The following AP2B1 variants were observed in gnomAD, a reference collection of about 807,000 sequenced individuals.
The protein encoded by AP2B1 is AP-2 complex subunit beta.
A neutral mutation model predicts 102.0 loss-of-function variants in AP2B1; 23 were observed. The ratio of observed to expected loss-of-function variants is 0.23; its 90% confidence interval spans 0.16 to 0.32. The LOEUF is 0.32. AP2B1 is among the 10% of genes least tolerant of loss of function. The pLI, the probability that AP2B1 is intolerant of heterozygous loss-of-function variation, is 1.00. For missense variants in AP2B1, 541 were observed against 1,157.4 expected (o/e 0.47, Z 7.73); for synonymous variants, 381 against 421.2 (o/e 0.90, Z 1.17).
chr17:35,684,881 A>T (rs1201693545), intron 18 of AP2B1, among the ~76,000 whole-genome samples: 1 of 152,322 alleles, frequency 6.6e-6, no homozygotes, highest in East Asian at 1.9e-4. Context: ...TTCTGCTCTT[A>T]AAATGAAAAG....
At chr17:35,624,735 G>C in intron 6 of AP2B1, 148 bp downstream of exon 6, 1 of 653,182 alleles carries the variant, frequency 1.5e-6, no homozygotes, top group Non-Finnish European at 2.5e-6. Context: ...CTGGATTTAG[G>C]AATATTTTAG....
At chr17:35,676,031 T>C (rs946350363) in intron 17 of AP2B1, among the ~76,000 whole-genome samples, 4 of 152,174 alleles carry the variant, frequency 2.6e-5, no homozygotes, top group Non-Finnish European at 4.4e-5. Context: ...TTCCTTAAAA[T>C]TTATCTCCTC....
At chr17:35,664,577 ATACTGCCAGTAGCCATATATATAT>A (rs1346430526) in intron 14 of AP2B1, among the ~76,000 whole-genome samples, 54 of 152,224 alleles carry the variant, frequency 3.5e-4, no homozygotes, top group Non-Finnish European at 6.6e-4. Context: ...CTCCCAGGAA[ATACTGCCAGTAGCCATATATATAT>A]TACTGCCAGT....
chr17:35,588,943 C>T (rs2072993979), intron 1 of AP2B1, among the ~76,000 whole-genome samples: 1 of 152,166 alleles, frequency 6.6e-6, no homozygotes, highest in Non-Finnish European at 1.5e-5. Flanking sequence ...ACTTTTTAGG[C>T]ACAGGTTTGA....
chr17:35,652,970 CT>C (rs1407643655), intron 13 of AP2B1, among the ~76,000 whole-genome samples: 1 of 152,116 alleles, frequency 6.6e-6, no homozygotes, highest in East Asian at 1.9e-4. Flanking sequence ...TTCTTAAAGC[CT>C]TTTCATCATG....
chr17:35,660,612 A>G (rs1422700275), intron 14 of AP2B1, among the ~76,000 whole-genome samples: 1 of 150,730 alleles, frequency 6.6e-6, no homozygotes, highest in East Asian at 2.0e-4. Context: ...TCTTCCGAGT[A>G]GCTGGGATTA....
chr17:35,701,416 CAT>C (rs1342535633), intron 18 of AP2B1, among the ~76,000 whole-genome samples: 1 of 152,154 alleles, frequency 6.6e-6, no homozygotes, highest in Non-Finnish European at 1.5e-5. Context: ...CATATTAAAA[CAT>C]ATATGGGTAC....
intron 20 of AP2B1, 99 bp from the exon 21 acceptor site, chr17:35,717,096 G>C: frequency 7.4e-7 from 1 of 1,348,820 alleles, no homozygotes. Context: ...GTACTTGTCA[G>C]GGAACTGAAC....
chr17:35,658,728 T>C (rs1184831087), intron 14 of AP2B1, among the ~76,000 whole-genome samples: 3 of 152,314 alleles, frequency 2.0e-5, no homozygotes, highest in African/African-American at 4.8e-5. Flanking sequence ...TATGAAAATA[T>C]GTGTTCCCAG....
intron 14 of AP2B1, among the ~76,000 whole-genome samples, chr17:35,665,212 G>T (rs926179765): frequency 2.2e-5 from 3 of 136,172 alleles, no homozygotes; most frequent in Non-Finnish European, 3.0e-5. Context: ...CTGCAGCCTT[G>T]ACCTCCCTGG....
chr17:35,652,721 T>C (rs1330859265), intron 13 of AP2B1, among the ~76,000 whole-genome samples: 1 of 152,218 alleles, frequency 6.6e-6, no homozygotes, highest in Non-Finnish European at 1.5e-5. Flanking sequence ...TTTATATCTT[T>C]TCATTGAACT....
chr17:35,655,266 A>G (rs1368565848), intron 13 of AP2B1, among the ~76,000 whole-genome samples: 1 of 152,194 alleles, frequency 6.6e-6, no homozygotes, highest in Non-Finnish European at 1.5e-5. Context: ...GTATACACTC[A>G]TATAATCACT....
intron 17 of AP2B1, among the ~76,000 whole-genome samples, chr17:35,682,260 CAAAA>C (rs11287908): frequency 7.4e-6 from 1 of 134,768 alleles, no homozygotes. Context: ...ACCCTATCTC[CAAAA>C]AAAAAAAAAA....
chr17:35,714,981 C>T (rs78019512), intron 20 of AP2B1, among the ~76,000 whole-genome samples: 122 of 152,316 alleles, frequency 8.0e-4, no homozygotes, highest in African/African-American at 2.8e-3. Flanking sequence ...AATTCTATCC[C>T]AGTCAGACCA....
chr17:35,649,217 G>A lies in AP2B1; in HGVS notation c.1537-1313G>A, dbSNP rs998974197. ...GAAGAAGGTATGGGTACAATATATG[G>A]AAGATATAATATATGTTATTAATAA... On this transcript the variant is annotated intron_variant, in intron 12 of 21. Coordinates refer to ENST00000610402, the MANE Select transcript of AP2B1 (RefSeq NM_001030006.2). Among the ~76,000 whole-genome samples, 4 of 152,188 alleles carry A rather than the reference G, an allele frequency of 2.6e-5. No individual in the cohort carries two copies. In the South Asian group the frequency reaches 8.3e-4, roughly 32 times the overall value.
chr17:35,631,827 G>C (rs11650621), intron 9 of AP2B1, among the ~76,000 whole-genome samples: 11,106 of 152,130 alleles, frequency 0.073, 463 homozygotes, highest in Middle Eastern at 0.11. Context: ...TTAGCCATTT[G>C]GGAATTGCTC....
chr17:35,626,039 C>T (rs2074305039), intron 6 of AP2B1, among the ~76,000 whole-genome samples: 1 of 152,058 alleles, frequency 6.6e-6, no homozygotes, highest in Admixed American at 6.5e-5. Context: ...AGGGGGGAGA[C>T]AGGAAAATAT....
chr17:35,588,994 C>G (rs907717248), intron 1 of AP2B1, among the ~76,000 whole-genome samples: 4 of 152,188 alleles, frequency 2.6e-5, no homozygotes, highest in Admixed American at 1.3e-4. Context: ...GGCACGTTCT[C>G]CTTTCTCTTG....
In AP2B1 at chr17:35,638,789, GAAAAAAAA is replaced by G. The variant is rs11286699; in HGVS notation, c.1272-795_1272-788del. Among the ~76,000 whole-genome samples the G allele has an allele frequency of 1.2e-3, 134 of 110,548 alleles. 1 individual carries two copies. Among genetic ancestry groups the G allele is most frequent in the African/African-American group, 4.6e-3 (130 of 28,490 alleles). 72.5% of individuals were successfully genotyped at this position (110,548 alleles called of 152,430 possible). On this transcript the variant is annotated intron_variant, in intron 10 of 21. Transcript: ENST00000610402. ...GGGCGACAGAGCAACACTCCGTCTT[GAAAAAAAA>G]AAAAAAAAAAGAAAGCTCTCTTTTA...
Sources: allele counts gnomAD v4.1 joint callset (sites outside exome capture counted in the v4.1 genomes callset), GRCh38; gene constraint gnomAD v4.1.1; transcripts MANE v1.5; gene names NCBI Gene and HGNC (gene_info 2026-07-23, HGNC 2026-07-21).